Variants in ZNF175 observed in about 807,000 individuals in gnomAD.
The protein encoded by ZNF175 is zinc finger protein OTK18.
Under a neutral mutation model 14.0 loss-of-function variants are expected in ZNF175, and 8 were observed. The observed-to-expected ratio is 0.57, with a 90% confidence interval of 0.34 to 1.03. ZNF175 has a LOEUF of 1.03. Among genes scored for constraint, ZNF175 ranks in the 50% least tolerant of loss-of-function variants. The pLI is 0.03. For synonymous variants in ZNF175, 255 were observed against 296.8 expected, an observed-to-expected ratio of 0.86 and a Z score of 1.45; for missense variants, 764 against 849.5, an observed-to-expected ratio of 0.90 and a Z score of 1.25.
chr19:51,583,156 T>C (rs1197762788), intron 4 of ZNF175, among the ~76,000 whole-genome samples: 1 of 152,176 alleles, frequency 6.6e-6, no homozygotes, highest in Non-Finnish European at 1.5e-5. Flanking sequence ...TGCCCGGCTA[T>C]GGGCATCTTT....
Position 51,588,482 on chromosome 19 carries a change from A to C in ZNF175, c.*15A>C. 5 of 1,520,070 alleles carry C rather than the reference A, an allele frequency of 3.3e-6. No individual in the cohort carries two copies. Among genetic ancestry groups the C allele is most frequent in the Non-Finnish European group, 4.4e-6 (5 of 1,142,076 alleles). 94.2% of individuals were successfully genotyped at this position (1,520,070 alleles called of 1,614,324 possible). A position where few individuals can be genotyped will look rare whatever the true frequency, so the allele number is the denominator to read the frequency against. On this transcript the variant is annotated 3_prime_UTR_variant, in exon 5 of 5. Coordinates refer to ENST00000262259, the MANE Select transcript of ZNF175 (RefSeq NM_007147.4). Reference sequence around the variant, plus strand: ...CCAAGCAATGAATTCCTAGTGCATCAGCATATTCATAAATGAAATATACTC... The same window carrying C: ...CCAAGCAATGAATTCCTAGTGCATCCGCATATTCATAAATGAAATATACTC...
chr19:51,577,196 G>A (rs866567938), intron 2 of ZNF175, among the ~76,000 whole-genome samples: 9 of 152,280 alleles, frequency 5.9e-5, no homozygotes, highest in Admixed American at 2.0e-4. Context: ...CACGGAAAAT[G>A]ACTTGATTTA....
chr19:51,591,930 G>C lies in ZNF175; in HGVS notation c.*3463G>C, dbSNP rs1032928312. On this transcript the variant is annotated 3_prime_UTR_variant, in exon 5 of 5. Transcript: ENST00000262259. The stretch of plus-strand genomic sequence containing the variant: ...ACTACAGGCGCCCACCACCATGCCT[G>C]GCTAATTTTTTGTATTTTTAGTAGA... 1 of 151,592 alleles carries C rather than the reference G, an allele frequency of 6.6e-6. No individual in the cohort carries two copies. Among genetic ancestry groups the C allele is most frequent in the Non-Finnish European group, 1.5e-5 (1 of 67,884 alleles). The allele number at this position is 151,592 out of a possible 1,614,324, so 9.4% of individuals were successfully genotyped here.
intron 2 of ZNF175, among the ~76,000 whole-genome samples, chr19:51,576,357 G>A (rs1346791118): frequency 6.6e-6 from 1 of 151,890 alleles, no homozygotes; most frequent in African/African-American, 2.4e-5. Context: ...ACCATGTTGG[G>A]CAGGCTGGTC....
chr19:51,576,003 G>A (rs1981768060), intron 2 of ZNF175, among the ~76,000 whole-genome samples: 1 of 152,082 alleles, frequency 6.6e-6, no homozygotes, highest in Non-Finnish European at 1.5e-5. Flanking sequence ...TTTCCCTGGA[G>A]CACACAATTT....
In ZNF175 at chr19:51,587,671, A is replaced by G. The variant is rs750280828; in HGVS notation, c.1340A>G (p.Tyr447Cys). ...AGAATCCACTCAGGGCAGAAGTCCTATGTGTGTATCGAATGCGGGCAGGCC... is the reference window on the plus strand; with the variant it reads ...AGAATCCACTCAGGGCAGAAGTCCTGTGTGTGTATCGAATGCGGGCAGGCC... ...HQRIHSGQKS[Y>C]VCIECGQAFI... Residue 447 changes from tyrosine (Y) to cysteine (C), a missense_variant, in exon 5 of 5, where the codon TAT (tyrosine) becomes TGT (cysteine). By Grantham distance (194) the Tyr-to-Cys change is radical (BLOSUM62 -2). Coordinates refer to ENST00000262259, the MANE Select transcript of ZNF175 (RefSeq NM_007147.4). 1.2e-6 allele frequency: 2 copies of G among 1,614,098 alleles called. No individual in the cohort carries two copies. The highest frequency in any genetic ancestry group is 1.7e-6 in the Non-Finnish European group (2 of 1,180,016).
intron 2 of ZNF175, among the ~76,000 whole-genome samples, chr19:51,580,535 T>A (rs1041292752): frequency 6.6e-6 from 1 of 152,220 alleles, no homozygotes; most frequent in Admixed American, 6.5e-5. Flanking sequence ...ATTAACCTAA[T>A]ATTAGTTATT....
At chr19:51,581,912 A>G (rs1388190523) in intron 4 of ZNF175, 30 bp downstream of exon 4, 14 of 1,588,078 alleles carry the variant, frequency 8.8e-6, no homozygotes, top group Admixed American at 1.7e-5. Context: ...GCAAATGTAG[A>G]TATCTTTGCA....
rs530814625 is a variant in ZNF175 at position 51,591,534 on chromosome 19, A to C, written c.*3067A>C. ...AGAGTTTTGAGTTTCCAGAGGGAGAAGCTACTATTCTAGGCAGCTTGTATG... is the reference window on the plus strand; with the variant it reads ...AGAGTTTTGAGTTTCCAGAGGGAGACGCTACTATTCTAGGCAGCTTGTATG... On this transcript the variant is annotated 3_prime_UTR_variant, in exon 5 of 5. Coordinates refer to ENST00000262259, the MANE Select transcript of ZNF175 (RefSeq NM_007147.4). 1 of 152,338 alleles carries C rather than the reference A, an allele frequency of 6.6e-6. No individual in the cohort carries two copies. Among genetic ancestry groups the C allele is most frequent in the African/African-American group, 2.4e-5 (1 of 41,574 alleles). The allele number at this position is 152,338 out of a possible 1,614,324, so 9.4% of individuals were successfully genotyped here. A position where few individuals can be genotyped will look rare whatever the true frequency, so the allele number is the denominator to read the frequency against.
chr19:51,571,990 G>GCAC (rs1468876825), intron 1 of ZNF175, among the ~76,000 whole-genome samples: 1 of 152,220 alleles, frequency 6.6e-6, no homozygotes. Flanking sequence ...TTTCTAGGCA[G>GCAC]TGAGTGTTGG....
chr19:51,572,583 T>C (rs1316298786), intron 1 of ZNF175, among the ~76,000 whole-genome samples: 1 of 152,114 alleles, frequency 6.6e-6, no homozygotes, highest in Non-Finnish European at 1.5e-5. Flanking sequence ...GAGGAAATGG[T>C]GTTTCTGGAA....
At chr19:51,575,208 G>GTTTTTTTTT in intron 2 of ZNF175, among the ~76,000 whole-genome samples, 1 of 99,202 alleles carries the variant, frequency 1.0e-5, no homozygotes, top group Non-Finnish European at 1.9e-5. Flanking sequence ...TTTTTAGAGA[G>GTTTTTTTTT]GTTTTTTTTT....
At chr19:51,579,189 G>A (rs1323426264) in intron 2 of ZNF175, among the ~76,000 whole-genome samples, 1 of 150,498 alleles carries the variant, frequency 6.6e-6, no homozygotes, top group Non-Finnish European at 1.5e-5. Context: ...GGAGTCAGAG[G>A]CTGCAGTGAG....
chr19:51,577,916 G>T (rs1981861191), intron 2 of ZNF175, among the ~76,000 whole-genome samples: 1 of 151,048 alleles, frequency 6.6e-6, no homozygotes. Context: ...GCCCGCCTTG[G>T]CCTCCCAAAG....
rs749535800 is a variant in ZNF175, at chr19:51,586,837, C to T, written c.506C>T (p.Thr169Ile). The change falls in exon 5 of 5, where the codon ACA (threonine) becomes ATA (isoleucine). Residue 169 changes from threonine to isoleucine, a missense_variant. Transcript: ENST00000262259. ...SAFFNKKTLN[T>I]ESNCEYKDPG... ...TTCTTCAACAAGAAAACATTGAACA[C>T]AGAAAGCAATTGTGAATATAAGGAC... is the stretch of plus-strand genomic sequence containing the variant. 9.3e-6 allele frequency: 15 copies of T among 1,614,018 alleles called. No homozygotes were observed. The South Asian group carries it at 1.6e-4, about 18-fold the overall frequency.
chr19:51,586,629 A>G lies in ZNF175; in HGVS notation c.298A>G (p.Arg100Gly), dbSNP rs1160182264. The G allele has an allele frequency of 6.3e-7, 1 of 1,580,030 alleles. No homozygotes were observed. The highest frequency in any genetic ancestry group is 2.2e-5 in the East Asian group (1 of 44,562). Reference sequence around the variant, plus strand: ...TCATCTTCTCTTTCTCCTTTTAGAAAGGGAGTTTGGGCTTGAAATCCCACA... The same window carrying G: ...TCATCTTCTCTTTCTCCTTTTAGAAGGGGAGTTTGGGCTTGAAATCCCACA... ...AEVSHQRCQE[R>G]EFGLEIPQKE... Residue 100 changes from arginine (R) to glycine (G), a missense_variant and splice_region_variant, in exon 5 of 5, where the codon AGG becomes GGG. Physicochemically the swap from Arg to Gly is moderately radical, Grantham distance 125. Coordinates refer to ENST00000262259, the MANE Select transcript of ZNF175 (RefSeq NM_007147.4).
At chr19:51,584,252 G>T (rs1982099707) in intron 4 of ZNF175, among the ~76,000 whole-genome samples, 1 of 152,182 alleles carries the variant, frequency 6.6e-6, no homozygotes, top group African/African-American at 2.4e-5. Context: ...GAGTGACATT[G>T]GGAATTAATT....
At chr19:51,578,546 T>C (rs1452303864) in intron 2 of ZNF175, among the ~76,000 whole-genome samples, 1 of 152,118 alleles carries the variant, frequency 6.6e-6, no homozygotes, top group East Asian at 1.9e-4. Context: ...GATGGGAGGA[T>C]TGCTTGAGCC....
chr19:51,578,570 C>T (rs759315947), intron 2 of ZNF175, among the ~76,000 whole-genome samples: 7 of 152,132 alleles, frequency 4.6e-5, no homozygotes, highest in South Asian at 2.1e-4. Flanking sequence ...GAGTTTGAGA[C>T]GATCCTGAGC....
Sources: allele counts gnomAD v4.1 joint callset (sites outside exome capture counted in the v4.1 genomes callset), GRCh38; gene constraint gnomAD v4.1.1; transcripts MANE v1.5; gene names NCBI Gene and HGNC (gene_info 2026-07-23, HGNC 2026-07-21).